The following KIAA1217 variants were observed in gnomAD, a reference collection of about 807,000 sequenced individuals.
KIAA1217 encodes the protein KIAA1217.
In KIAA1217, 88 loss-of-function variants were observed where a neutral mutation model predicts 163.9. The ratio of observed to expected loss-of-function variants is 0.54; its 90% confidence interval spans 0.45 to 0.64. The LOEUF (loss-of-function observed/expected upper bound fraction) is 0.64. Among genes scored for constraint, KIAA1217 ranks in the 30% least tolerant of loss-of-function variants. The probability of loss-of-function intolerance (pLI) is 0.00; values close to 1 mark genes in which losing one functional copy is unlikely to be tolerated. For missense variants in KIAA1217, 2,372 were observed against 2,475.0 expected (o/e 0.96, Z 0.88); for synonymous variants, 903 against 923.1 (o/e 0.98, Z 0.39).
At chr10:24,165,449 G>A (rs556538184) in intron 2 of KIAA1217, among the ~76,000 whole-genome samples, 102 of 152,248 alleles carry the variant, frequency 6.7e-4, no homozygotes, top group African/African-American at 2.3e-3. Context: ...AAACCACCCA[G>A]AGAGGATTCG....
rs1462394592 is a variant in KIAA1217 at position 24,533,149 on chromosome 10, C to T, written c.3326C>T (p.Thr1109Ile). 6.2e-7 allele frequency: 1 copy of T among 1,613,814 alleles called. No individual in the cohort carries two copies. Reference protein sequence around the residue: ...YPAEEPASAWTPSPPPVTTSS... With the variant: ...YPAEEPASAWIPSPPPVTTSS... ...GCAGAGGAGCCTGCTTCAGCCTGGA[C>T]CCCATCCCCACCGCCTGTCACCACC... Residue 1109 changes from threonine (T) to isoleucine (I), a missense_variant, in exon 16 of 21, where the codon ACC becomes ATC. Thr to Ile is a moderately conservative substitution (Grantham distance 89). This residue lies in a region of KIAA1217 where 1,431 missense variants were observed against 1,470.3 expected (regional missense o/e 0.97). Coordinates refer to ENST00000376454, the MANE Select transcript of KIAA1217 (RefSeq NM_019590.5).
chr10:23,790,155 GCATATACACATATA>G (rs1835705056), intron 1 of KIAA1217, among the ~76,000 whole-genome samples: 6 of 48,726 alleles, frequency 1.2e-4, no homozygotes, highest in South Asian at 6.5e-4. Context: ...ATACACATAT[GCATATACACATATA>G]CACATATGCA....
chr10:24,281,250 A>G (rs1317620743), intron 2 of KIAA1217, among the ~76,000 whole-genome samples: 1 of 152,150 alleles, frequency 6.6e-6, no homozygotes, highest in Admixed American at 6.5e-5. Context: ...TTATTATCTA[A>G]AGTTCATATT....
intron 2 of KIAA1217, among the ~76,000 whole-genome samples, chr10:24,256,526 T>C (rs74127003): frequency 0.013 from 2,007 of 152,112 alleles, 47 homozygotes; most frequent in African/African-American, 0.046. Context: ...TAAGATGTCC[T>C]GAAAGAAACC....
intron 1 of KIAA1217, among the ~76,000 whole-genome samples, chr10:23,853,444 A>G (rs1418780015): frequency 6.6e-6 from 1 of 152,150 alleles, no homozygotes; most frequent in Admixed American, 6.5e-5. Context: ...TTTTGCATCA[A>G]TGTTCATCAA....
chr10:24,497,008 A>G (rs957934170), intron 8 of KIAA1217, among the ~76,000 whole-genome samples: 1 of 152,188 alleles, frequency 6.6e-6, no homozygotes, highest in Admixed American at 6.5e-5. Context: ...CTCACTCCCC[A>G]CGTCTCTGCT....
upstream of KIAA1217, among the ~76,000 whole-genome samples, chr10:24,207,735 T>C (rs187744687): frequency 7.5e-4 from 114 of 152,340 alleles, no homozygotes; most frequent in African/African-American, 2.5e-3. Flanking sequence ...CCTCCTGACG[T>C]GAGTGTAACT....
intron 2 of KIAA1217, among the ~76,000 whole-genome samples, chr10:24,047,555 A>G (rs1056880550): frequency 6.6e-6 from 1 of 152,236 alleles, no homozygotes; most frequent in Non-Finnish European, 1.5e-5. Flanking sequence ...TACAATTGCT[A>G]TAGAGAATAA....
intron 2 of KIAA1217, among the ~76,000 whole-genome samples, chr10:24,023,664 G>A (rs1437859648): frequency 6.6e-6 from 1 of 151,658 alleles, no homozygotes; most frequent in Non-Finnish European, 1.5e-5. Flanking sequence ...ATGAAAATAA[G>A]TGCTTATGTC....
chr10:24,505,179 A>G (rs2068169069), intron 9 of KIAA1217, among the ~76,000 whole-genome samples: 1 of 151,382 alleles, frequency 6.6e-6, no homozygotes, highest in Non-Finnish European at 1.5e-5. Flanking sequence ...AAATGTTGAG[A>G]TAGCCAGCTA....
At chr10:24,404,069 C>T (rs1243150968) in intron 3 of KIAA1217, among the ~76,000 whole-genome samples, 1 of 152,122 alleles carries the variant, frequency 6.6e-6, no homozygotes, top group Non-Finnish European at 1.5e-5. Context: ...GTGATCCTCC[C>T]ACCTCAACTT....
chr10:23,737,117 T>A (rs1838850562), intron 1 of KIAA1217, among the ~76,000 whole-genome samples: 1 of 152,266 alleles, frequency 6.6e-6, no homozygotes, highest in Admixed American at 6.5e-5. Flanking sequence ...TTATTAGGTA[T>A]GTCTTGCACA....
At chr10:24,157,841 G>A (rs2064947797) in intron 2 of KIAA1217, 2 of 523,006 alleles carry the variant, frequency 3.8e-6, no homozygotes, top group East Asian at 3.0e-5. Context: ...TGCAATGGCA[G>A]CCTTTGCCAT....
chr10:23,991,370 T>C (rs576037904), intron 1 of KIAA1217, among the ~76,000 whole-genome samples: 1 of 152,332 alleles, frequency 6.6e-6, no homozygotes, highest in South Asian at 2.1e-4. Context: ...AGCACTCAGA[T>C]ATGCATAGCC....
In KIAA1217 at chr10:24,355,728, C is replaced by CTTT. The variant is rs869211148; in HGVS notation, c.355-25105_355-25103dup. ...GAGATGAGCATAGCAAGTCCTCACT[C>CTTT]TTTTTTTTTTTTTTTTTTTTTTTTT... On this transcript the variant is annotated intron_variant, in intron 2 of 20. Coordinates refer to ENST00000376454, the MANE Select transcript of KIAA1217 (RefSeq NM_019590.5). 5.6e-4 allele frequency among the ~76,000 whole-genome samples: 18 copies of CTTT among 32,218 alleles called. 6 individuals carry two copies. Among genetic ancestry groups the CTTT allele is most frequent in the East Asian group, 2.0e-3 (2 of 1,020 alleles). 21.1% of individuals were successfully genotyped at this position (32,218 alleles called of 152,430 possible).
At chr10:24,444,439 C>T (rs1468678365) in intron 5 of KIAA1217, among the ~76,000 whole-genome samples, 1 of 152,208 alleles carries the variant, frequency 6.6e-6, no homozygotes, top group African/African-American at 2.4e-5. Flanking sequence ...GCCTGTTGCA[C>T]ATTCGCATTG....
chr10:24,394,807 C>G (rs2055494588), intron 3 of KIAA1217, among the ~76,000 whole-genome samples: 1 of 152,180 alleles, frequency 6.6e-6, no homozygotes, highest in African/African-American at 2.4e-5. Flanking sequence ...GAGCCCTCCA[C>G]TGGGTAAAAT....
intron 2 of KIAA1217, among the ~76,000 whole-genome samples, chr10:24,353,873 A>G (rs2048757251): frequency 6.6e-6 from 1 of 152,222 alleles, no homozygotes; most frequent in African/African-American, 2.4e-5. Flanking sequence ...ATCTTATTTT[A>G]TGAGCAAAAA....
At chr10:24,272,220 CAGTT>C (rs1180951106) in intron 2 of KIAA1217, among the ~76,000 whole-genome samples, 13 of 152,200 alleles carry the variant, frequency 8.5e-5, no homozygotes, top group African/African-American at 2.7e-4. Flanking sequence ...AGTCACTACT[CAGTT>C]AGGGATGTCA....
Sources: gnomAD v4.1 joint callset for allele counts (sites outside exome capture counted in the v4.1 genomes callset) on GRCh38, gnomAD v4.1.1 for gene constraint, gnomAD v4.1.1 regional missense constraint, MANE v1.5 for transcripts, NCBI Gene and HGNC (gene_info 2026-07-23, HGNC 2026-07-21) for gene names.